Variants in RFX3 observed in about 807,000 individuals in gnomAD.
The protein encoded by RFX3 is transcription factor RFX3.
In RFX3, 14 loss-of-function variants were observed where a neutral mutation model predicts 98.6. The observed-to-expected ratio is 0.14, with a 90% CI of 0.09 to 0.22. RFX3 has a LOEUF of 0.22. RFX3 is among the 10% of genes least tolerant of loss of function. RFX3 has a pLI of 1.00. For missense variants in RFX3, 639 were observed against 926.9 expected (o/e 0.69, Z 4.03); for synonymous variants, 383 against 328.4 (o/e 1.17, Z -1.80).
chr9:3,414,525 G>C (rs1009231933), intron 1 of RFX3, among the ~76,000 whole-genome samples: 2 of 147,422 alleles, frequency 1.4e-5, no homozygotes, highest in Non-Finnish European at 3.0e-5. Flanking sequence ...ATATATATAT[G>C]TGTGTGTGTG....
At position 3,366,711 on chromosome 9, in the gene RFX3, T is replaced by TTTCTTTCTTTC. The variant is rs1554681336; in HGVS notation, c.118-19958_118-19948dup. 2.1e-3 allele frequency among the ~76,000 whole-genome samples: 288 copies of TTTCTTTCTTTC among 134,442 alleles called. 12 individuals carry two copies. In the East Asian group the frequency reaches 0.046, roughly 21 times the overall value. 88.2% of individuals were successfully genotyped at this position (134,442 alleles called of 152,430 possible). A position where few individuals can be genotyped will look rare whatever the true frequency, so the allele number is the denominator to read the frequency against. On this transcript the variant is annotated intron_variant, in intron 2 of 16. Transcript: ENST00000617270. ...TTTCTTTCCTTTCTTTCTTTCTTTC[T>TTTCTTTCTTTC]TTCTTTCTTTCTTTCTTTCTTTCTT...
intron 4 of RFX3, among the ~76,000 whole-genome samples, chr9:3,314,695 A>G (rs1277239021): frequency 6.6e-6 from 1 of 151,864 alleles, no homozygotes; most frequent in African/African-American, 2.4e-5. Flanking sequence ...AAGCAAATGG[A>G]AAACAAAAAA....
In RFX3 at chr9:3,445,727, C is replaced by T. The variant is rs929821175; in HGVS notation, c.-8-50131G>A. Among the ~76,000 whole-genome samples, 7 of 152,086 alleles carry T rather than the reference C, an allele frequency of 4.6e-5. No homozygotes were observed. The East Asian group carries it at 7.7e-4, about 17-fold the overall frequency. On this transcript the variant is annotated intron_variant, in intron 1 of 16. Coordinates refer to ENST00000617270, the MANE Select transcript of RFX3 (RefSeq NM_001282116.2). ...CAAAGTGTAAACTTGTCAACGCGATCGATAGGAGATCTTCCCGCCTACTTT... is the reference window on the plus strand; with the variant it reads ...CAAAGTGTAAACTTGTCAACGCGATTGATAGGAGATCTTCCCGCCTACTTT...
At chr9:3,379,261 G>A (rs549833066) in intron 2 of RFX3, among the ~76,000 whole-genome samples, 30 of 152,300 alleles carry the variant, frequency 2.0e-4, no homozygotes, top group Middle Eastern at 3.4e-3. Flanking sequence ...TGGGCTAGGA[G>A]AGTGCATAAA....
At chr9:3,419,918 G>A (rs993413207) in intron 1 of RFX3, among the ~76,000 whole-genome samples, 33 of 152,138 alleles carry the variant, frequency 2.2e-4, no homozygotes, top group African/African-American at 7.7e-4. Flanking sequence ...TCACATGGAA[G>A]GCAAACCGTA....
At chr9:3,481,314 T>C (rs1849738491) in intron 1 of RFX3, among the ~76,000 whole-genome samples, 1 of 152,150 alleles carries the variant, frequency 6.6e-6, no homozygotes, top group African/African-American at 2.4e-5. Flanking sequence ...AAGCCAAGGC[T>C]ATCTGGCTTT....
At chr9:3,292,313 A>G (rs1198904782) in intron 6 of RFX3, among the ~76,000 whole-genome samples, 2 of 152,174 alleles carry the variant, frequency 1.3e-5, no homozygotes, top group East Asian at 3.9e-4. Context: ...GAAGCCCCAG[A>G]GTTCTAAGTA....
At chr9:3,286,562 G>C (rs1488216179) in intron 7 of RFX3, among the ~76,000 whole-genome samples, 1 of 151,732 alleles carries the variant, frequency 6.6e-6, no homozygotes, top group Non-Finnish European at 1.5e-5. Flanking sequence ...CTTACCTCCA[G>C]TCTCTTTCCA....
At chr9:3,344,867 AG>A in intron 3 of RFX3, 1 of 715,814 alleles carries the variant, frequency 1.4e-6, no homozygotes, top group Non-Finnish European at 2.6e-6. Context: ...ATCATGCTCC[AG>A]GGGGCCCTGG....
At chr9:3,366,732 TTC>T (rs1207764396) in intron 2 of RFX3, among the ~76,000 whole-genome samples, 1 of 149,264 alleles carries the variant, frequency 6.7e-6, no homozygotes, top group Non-Finnish European at 1.5e-5. Context: ...CTTTCTTTCT[TTC>T]TTTCTTTCTT....
chr9:3,338,209 A>G (rs977550352), intron 3 of RFX3, among the ~76,000 whole-genome samples: 1 of 152,268 alleles, frequency 6.6e-6, no homozygotes, highest in Admixed American at 6.5e-5. Context: ...ACACTAAAGA[A>G]TATCACTAAT....
intron 1 of RFX3, among the ~76,000 whole-genome samples, chr9:3,411,374 A>T (rs976872973): frequency 1.3e-5 from 2 of 150,730 alleles, no homozygotes; most frequent in Non-Finnish European, 3.0e-5. Flanking sequence ...TTATTTATTT[A>T]TTTTTTGAGA....
At chr9:3,259,712 A>C (rs1273277651) in intron 13 of RFX3, among the ~76,000 whole-genome samples, 1 of 152,016 alleles carries the variant, frequency 6.6e-6, no homozygotes, top group Non-Finnish European at 1.5e-5. Context: ...ATTAAATGAA[A>C]CAGGAAACCA....
At chr9:3,428,776 G>GT (rs760626642) in intron 1 of RFX3, among the ~76,000 whole-genome samples, 108 of 152,120 alleles carry the variant, frequency 7.1e-4, no homozygotes, top group Admixed American at 3.2e-3. Flanking sequence ...ATAAAAGAAA[G>GT]TTTTTTAAAA....
chr9:3,360,117 C>T (rs1306124270), intron 2 of RFX3, among the ~76,000 whole-genome samples: 1 of 152,066 alleles, frequency 6.6e-6, no homozygotes, highest in Non-Finnish European at 1.5e-5. Flanking sequence ...TAAACTGACA[C>T]ATTTACTATT....
chr9:3,257,254 G>A, intron 13 of RFX3, 55 bp from the exon 14 acceptor site: 1 of 1,450,230 alleles, frequency 6.9e-7, no homozygotes, highest in East Asian at 2.3e-5. Flanking sequence ...TCCTTTCATT[G>A]AATGCCAGCA....
intron 2 of RFX3, among the ~76,000 whole-genome samples, chr9:3,348,232 A>G (rs1165244160): frequency 6.6e-6 from 1 of 152,176 alleles, no homozygotes; most frequent in African/African-American, 2.4e-5. Context: ...TATTTCATGT[A>G]TGCTGTATAA....
chr9:3,479,107 G>GGA (rs893458969), intron 1 of RFX3, among the ~76,000 whole-genome samples: 4 of 152,258 alleles, frequency 2.6e-5, no homozygotes, highest in South Asian at 2.1e-4. Flanking sequence ...CCACTAAGCT[G>GGA]GAGAGAGAGA....
At chr9:3,234,891 C>T (rs1818930131) in intron 15 of RFX3, among the ~76,000 whole-genome samples, 1 of 152,154 alleles carries the variant, frequency 6.6e-6, no homozygotes, top group African/African-American at 2.4e-5. Flanking sequence ...AGAACCAGAG[C>T]CTTCAAGAGA....
Sources: gnomAD v4.1 joint callset for allele counts (sites outside exome capture counted in the v4.1 genomes callset) on GRCh38, gnomAD v4.1.1 for gene constraint, MANE v1.5 for transcripts, NCBI Gene and HGNC (gene_info 2026-07-23, HGNC 2026-07-21) for gene names.